Variants in LETM2 observed in about 807,000 individuals in gnomAD.
The protein encoded by LETM2 is leucine zipper and EF-hand containing transmembrane protein 2.
A neutral mutation model predicts 59.6 loss-of-function variants in LETM2; 58 were observed. The observed-to-expected ratio is 0.97, with a 90% CI of 0.79 to 1.21. LETM2 has a LOEUF of 1.21. LETM2 is among the 50% of genes most tolerant of loss of function. LETM2 has a pLI of 0.00. For missense variants in LETM2, 572 were observed against 575.7 expected (o/e 0.99, Z 0.07); for synonymous variants, 199 against 214.1 (o/e 0.93, Z 0.62).
At position 38,390,828 on chromosome 8, in the gene LETM2, G is replaced by A. The variant is rs573508910; in HGVS notation, c.48-1714G>A. ...CTCCCGAGTAGCTGGGACTACAGGT[G>A]CACTCCACCACGCCCAGCTAATTTT... On this transcript the variant is annotated intron_variant, in intron 2 of 10. Transcript: ENST00000379957. 2.7e-5 allele frequency among the ~76,000 whole-genome samples: 4 copies of A among 149,978 alleles called. No homozygotes were observed. The South Asian group carries it at 8.5e-4, about 32-fold the overall frequency.
chr8:38,398,972 C>T (rs1038356337), intron 4 of LETM2, among the ~76,000 whole-genome samples: 4 of 151,916 alleles, frequency 2.6e-5, no homozygotes, highest in East Asian at 1.9e-4. Context: ...CCAGCTGCCT[C>T]GGCCTCCCAA....
intron 2 of LETM2, among the ~76,000 whole-genome samples, chr8:38,390,189 A>C (rs548290792): frequency 2.0e-5 from 3 of 151,854 alleles, no homozygotes; most frequent in Non-Finnish European, 4.4e-5. Context: ...GGTTTTTAAC[A>C]CCTTAAGAAC....
At chr8:38,387,307 G>C (rs1007148837) in intron 1 of LETM2, 13 of 152,286 alleles carry the variant, frequency 8.5e-5, no homozygotes, top group African/African-American at 2.9e-4. Flanking sequence ...GGGAATGTCA[G>C]CTCTTCTGCC....
At chr8:38,395,819 C>T (rs1004883447) in intron 4 of LETM2, among the ~76,000 whole-genome samples, 4 of 152,016 alleles carry the variant, frequency 2.6e-5, no homozygotes, top group Admixed American at 6.6e-5. Context: ...TCCAGCCCTT[C>T]GGTTGACTTT....
chr8:38,392,482 G>A (rs142848693), intron 2 of LETM2, 60 bp from the exon 3 acceptor site: 25 of 974,224 alleles, frequency 2.6e-5, no homozygotes, highest in Non-Finnish European at 3.8e-5. Context: ...TGTGCTTTAT[G>A]ATAGTGTGTG....
chr8:38,394,028 TTTTG>T, intron 3 of LETM2, 66 bp from the exon 4 acceptor site: 2 of 1,244,042 alleles, frequency 1.6e-6, no homozygotes, highest in Non-Finnish European at 2.1e-6. Flanking sequence ...GTTTTTTTGG[TTTTG>T]TTTTTCATTT....
intron 7 of LETM2, among the ~76,000 whole-genome samples, chr8:38,403,384 C>T (rs895758490): frequency 3.9e-5 from 6 of 152,220 alleles, no homozygotes; most frequent in Non-Finnish European, 7.3e-5. Context: ...CGTAGTGTAA[C>T]GGGTCCTGGC....
intron 10 of LETM2, 162 bp from the exon 11 acceptor site, chr8:38,408,050 G>A (rs1205245070): frequency 3.4e-6 from 2 of 595,948 alleles, no homozygotes; most frequent in East Asian, 3.0e-5. Context: ...CACATACCTT[G>A]TTTTTTGTAA....
upstream of LETM2, chr8:38,382,892 C>G (rs368768036): frequency 6.6e-6 from 1 of 152,258 alleles, no homozygotes; most frequent in Admixed American, 6.5e-5. The surrounding 1 kb of genome is among the most constrained non-coding windows in gnomAD (Gnocchi z 4.2). Flanking sequence ...TGGTCCCCCT[C>G]CCCCGGTTGC....
chr8:38,395,380 C>T (rs1188418987), intron 4 of LETM2, among the ~76,000 whole-genome samples: 1 of 152,198 alleles, frequency 6.6e-6, no homozygotes, highest in Non-Finnish European at 1.5e-5. Context: ...TGTCAGTGCT[C>T]TAGACATTAG....
chr8:38,406,356 T>C (rs928223234), intron 8 of LETM2: 4 of 152,176 alleles, frequency 2.6e-5, no homozygotes, highest in African/African-American at 9.7e-5. Context: ...ATCCAGCACT[T>C]TGGGAGGCTG....
At chr8:38,402,161 C>T (rs1400056965) in intron 6 of LETM2, among the ~76,000 whole-genome samples, 2 of 152,140 alleles carry the variant, frequency 1.3e-5, no homozygotes, top group Non-Finnish European at 2.9e-5. Flanking sequence ...GGACATGCAA[C>T]AAATGGTACA....
intron 1 of LETM2, chr8:38,387,146 G>T (rs1811835381): frequency 6.6e-6 from 1 of 152,254 alleles, no homozygotes; most frequent in African/African-American, 2.4e-5. Flanking sequence ...CGCCTCAGGT[G>T]TCGTCTCCTG....
Position 38,407,131 on chromosome 8 carries a change from G to C in LETM2, c.1311+93G>C, listed in dbSNP as rs185470421. 570 of 798,230 alleles carry C rather than the reference G, an allele frequency of 7.1e-4. 2 individuals carry two copies. In the African/African-American group the frequency reaches 8.7e-3, roughly 12 times the overall value. The allele number at this position is 798,230 out of a possible 1,614,324, so 49.4% of individuals were successfully genotyped here. A position where few individuals can be genotyped will look rare whatever the true frequency, so the allele number is the denominator to read the frequency against. On this transcript the variant is annotated intron_variant, in intron 9 of 10. Transcript: ENST00000379957. ...CTGTTTTAATCCCCTTAATGAAATT[G>C]AAATTCAATACAATAATGTTCCTTA...
chr8:38,404,562 C>T (rs1300055613), intron 8 of LETM2, 56 bp downstream of exon 8: 1 of 1,064,664 alleles, frequency 9.4e-7, no homozygotes, highest in Non-Finnish European at 1.5e-6. Flanking sequence ...GGCCTCTCCA[C>T]AAACACTTGG....
At chr8:38,400,592 T>C (rs1813116338) in intron 5 of LETM2, 183 bp downstream of exon 5, 1 of 688,884 alleles carries the variant, frequency 1.5e-6, no homozygotes, top group African/African-American at 1.8e-5. Flanking sequence ...GAAAAGCCTG[T>C]CTTAAAGTAA....
intron 6 of LETM2, 51 bp from the exon 7 acceptor site, chr8:38,402,474 A>G (rs376652497): frequency 6.3e-7 from 1 of 1,599,364 alleles, no homozygotes; most frequent in African/African-American, 1.3e-5. Flanking sequence ...TTTAGGGTTT[A>G]CGTAAAATTG....
At chr8:38,401,491 G>T (rs1813222392) in intron 6 of LETM2, 1 of 182,082 alleles carries the variant, frequency 5.5e-6, no homozygotes, top group Admixed American at 5.4e-5. Context: ...CAAAATGAGT[G>T]GTTTAAACAA....
In LETM2 at chr8:38,392,929, A is replaced by G; in HGVS notation, c.435A>G (p.Lys145=). 6.2e-7 allele frequency: 1 copy of G among 1,612,314 alleles called. No homozygotes were observed. Among genetic ancestry groups the G allele is most frequent in the South Asian group, 1.1e-5 (1 of 91,084 alleles). Residue 145 remains lysine, a synonymous_variant, in exon 3 of 11, where the codon AAA becomes AAG. Transcript: ENST00000379957. The part of the protein sequence containing the change: ...NGFYLLWIDA[K]VAARMVWRLL... The stretch of plus-strand genomic sequence containing the variant: ...TCTACTTACTTTGGATTGACGCCAA[A>G]GTTGCTGCCAGAATGGTTTGGAGGC...
Sources: allele counts gnomAD v4.1 joint callset (sites outside exome capture counted in the v4.1 genomes callset), GRCh38; gene constraint gnomAD v4.1.1; non-coding constraint Gnocchi (gnomAD v3.1); transcripts MANE v1.5; gene names NCBI Gene and HGNC (gene_info 2026-07-23, HGNC 2026-07-21).